The following SLC26A8 variants were observed in gnomAD, a reference collection of about 807,000 sequenced individuals.
The protein encoded by SLC26A8 is solute carrier family 26 member 8.
Under a neutral mutation model 105.0 loss-of-function variants are expected in SLC26A8, and 70 were observed. The ratio of observed to expected loss-of-function variants is 0.67; its 90% CI spans 0.55 to 0.81. The LOEUF is 0.81. Ranked by LOEUF, SLC26A8 falls within the 40% of genes least tolerant of loss-of-function variation. The probability of loss-of-function intolerance (pLI) is 0.00; values close to 1 mark genes in which losing one functional copy is unlikely to be tolerated. For synonymous variants in SLC26A8, 415 were observed against 438.3 expected (o/e 0.95, Z 0.66); for missense variants, 998 against 1,181.8 (o/e 0.84, Z 2.28).
At position 35,982,988 on chromosome 6, in the gene SLC26A8, T is replaced by C. The variant is rs1434252263; in HGVS notation, c.943-785A>G. On this transcript the variant is annotated intron_variant, in intron 7 of 19. Coordinates refer to ENST00000490799, the MANE Select transcript of SLC26A8 (RefSeq NM_052961.4). ...GCTGTTATAGCTTATAAAGACTGCG[T>C]CAATGCAGATTAAACCAGAGACAAG... Among the ~76,000 whole-genome samples, 3 of 152,326 alleles carry C rather than the reference T, an allele frequency of 2.0e-5. No homozygotes were observed. In the East Asian group the frequency reaches 5.8e-4, roughly 29 times the overall value.
chr6:35,963,475 G>A (rs570903962), intron 11 of SLC26A8, among the ~76,000 whole-genome samples: 2 of 152,164 alleles, frequency 1.3e-5, no homozygotes, highest in Non-Finnish European at 2.9e-5. Context: ...TTGCTGAGGC[G>A]CCTCACTGCA....
rs755338563 is a variant in SLC26A8, at chr6:35,959,439, GAAAGA to G, written c.1863+16_1863+20del. 4 of 1,584,196 alleles carry G rather than the reference GAAAGA, an allele frequency of 2.5e-6. No individual in the cohort carries two copies. The highest frequency in any genetic ancestry group is 3.4e-4 in the Middle Eastern group (2 of 5,884). The stretch of plus-strand genomic sequence containing the variant: ...TTATAAAATATGGAGAAAAACATAG[GAAAGA>G]AAAGGCATTTCTAACCCTGGGCAGC... On this transcript the variant is annotated intron_variant, in intron 16 of 19. Coordinates refer to ENST00000490799, the MANE Select transcript of SLC26A8 (RefSeq NM_052961.4).
At chr6:36,007,561 T>C (rs1405765458) in intron 3 of SLC26A8, among the ~76,000 whole-genome samples, 1 of 152,178 alleles carries the variant, frequency 6.6e-6, no homozygotes, top group Non-Finnish European at 1.5e-5. Flanking sequence ...TATCAAAATC[T>C]AAACAAAAAC....
At chr6:35,989,593 A>G (rs1344132427) in intron 7 of SLC26A8, 2 of 152,204 alleles carry the variant, frequency 1.3e-5, no homozygotes, top group Non-Finnish European at 2.9e-5. Flanking sequence ...CAGGATTCCA[A>G]AAATGGGATA....
At chr6:35,959,971 C>T (rs1253019908) in intron 14 of SLC26A8, 165 bp from the exon 15 acceptor site, 7 of 523,340 alleles carry the variant, frequency 1.3e-5, no homozygotes, top group South Asian at 4.8e-5. Context: ...TGCAATGGCG[C>T]GATCTTGGCT....
At position 35,961,105 on chromosome 6, in the gene SLC26A8, G is replaced by A. The variant is rs772846113; in HGVS notation, c.1462-6C>T. On this transcript the variant is annotated splice_region_variant and splice_polypyrimidine_tract_variant and intron_variant, in intron 12 of 19. Coordinates refer to ENST00000490799, the MANE Select transcript of SLC26A8 (RefSeq NM_052961.4). Reference sequence around the variant, plus strand: ...AATGTCATCATCCAAAGAGCCTTATGGAAAAGGGAATGAGGGGAAAATGAT... The same window carrying A: ...AATGTCATCATCCAAAGAGCCTTATAGAAAAGGGAATGAGGGGAAAATGAT... 6.2e-7 allele frequency: 1 copy of A among 1,608,164 alleles called. No homozygotes were observed. The highest frequency in any genetic ancestry group is 8.5e-7 in the Non-Finnish European group (1 of 1,175,468).
Position 35,962,690 on chromosome 6 carries a change from G to C in SLC26A8, c.1366-69C>G, listed in dbSNP as rs184453853. The stretch of plus-strand genomic sequence containing the variant: ...GTAAAACTCACAAATCCCCACCAAG[G>C]AATCACAAAAAGTTAGCCTTGCCAC... On this transcript the variant is annotated intron_variant, in intron 11 of 19. Transcript: ENST00000490799. 4.1e-6 allele frequency: 6 copies of C among 1,475,834 alleles called. No homozygotes were observed. In the East Asian group the frequency reaches 1.4e-4, roughly 34 times the overall value. 91.4% of individuals were successfully genotyped at this position (1,475,834 alleles called of 1,614,324 possible).
intron 16 of SLC26A8, among the ~76,000 whole-genome samples, chr6:35,958,195 T>C (rs1772164253): frequency 6.6e-6 from 1 of 152,214 alleles, no homozygotes; most frequent in African/African-American, 2.4e-5. Flanking sequence ...CCTTACTTGA[T>C]GTCTTAAGAG....
At chr6:35,952,938 C>T (rs1168569417) in intron 17 of SLC26A8, among the ~76,000 whole-genome samples, 2 of 142,994 alleles carry the variant, frequency 1.4e-5, no homozygotes, top group African/African-American at 2.6e-5. Context: ...CACTTGAACC[C>T]GGGAGGTGGA....
At chr6:35,960,554 G>A in intron 14 of SLC26A8, 1 of 347,716 alleles carries the variant, frequency 2.9e-6, no homozygotes, top group Non-Finnish European at 5.2e-6. Flanking sequence ...TACTGGGGAG[G>A]CTGAGGCAGG....
intron 19 of SLC26A8, among the ~76,000 whole-genome samples, chr6:35,946,154 T>C (rs551482328): frequency 1.3e-5 from 2 of 152,322 alleles, no homozygotes; most frequent in African/African-American, 4.8e-5. Flanking sequence ...TTATAACCCT[T>C]CCCCTGATCT....
At chr6:36,021,949 G>A (rs969474568) in intron 1 of SLC26A8, among the ~76,000 whole-genome samples, 30 of 151,514 alleles carry the variant, frequency 2.0e-4, no homozygotes, top group Admixed American at 4.0e-4. Flanking sequence ...GATTACACGC[G>A]TGAGCCACCG....
At chr6:36,009,275 C>T (rs755622690) in intron 3 of SLC26A8, among the ~76,000 whole-genome samples, 5 of 152,030 alleles carry the variant, frequency 3.3e-5, no homozygotes, top group Admixed American at 2.0e-4. Context: ...TGCTTGAACC[C>T]GGGTGGCAGA....
chr6:35,973,250 C>T (rs535123847), intron 10 of SLC26A8, among the ~76,000 whole-genome samples: 29 of 152,178 alleles, frequency 1.9e-4, no homozygotes, highest in Non-Finnish European at 3.8e-4. Flanking sequence ...CTAAAACTCT[C>T]CAAGTCTCTT....
Position 35,977,299 on chromosome 6 carries a change from G to T in SLC26A8, c.1078C>A (p.Gln360Lys), listed in dbSNP as rs1011478521. 58 of 1,613,928 alleles carry T rather than the reference G, an allele frequency of 3.6e-5. No homozygotes were observed. Among genetic ancestry groups the T allele is most frequent in the Non-Finnish European group, 4.5e-5 (53 of 1,179,972 alleles). ...CTCACCAAAGATAAGGAGAAGGCTT[G>T]TAAAATTATCTTGGGAAGAAGGCTG... The part of the protein sequence containing the change: ...DFSLLPKIIL[Q>K]AFSLSLVSSF... The change falls in exon 9 of 20, where the codon CAA becomes AAA. Residue 360 changes from glutamine (Q) to lysine (K), a missense_variant. Coordinates refer to ENST00000490799, the MANE Select transcript of SLC26A8 (RefSeq NM_052961.4).
At chr6:35,968,835 C>G in intron 11 of SLC26A8, 42 bp downstream of exon 11, 1 of 1,405,734 alleles carries the variant, frequency 7.1e-7, no homozygotes, top group Non-Finnish European at 9.6e-7. Flanking sequence ...AATCCAGAGC[C>G]CTGGTCGTTG....
chr6:35,994,540 T>TC (rs1432040030), intron 5 of SLC26A8, among the ~76,000 whole-genome samples: 2 of 151,440 alleles, frequency 1.3e-5, no homozygotes, highest in African/African-American at 4.9e-5. Context: ...CATGAGCCCC[T>TC]CTTTTTTCCA....
intron 4 of SLC26A8, among the ~76,000 whole-genome samples, chr6:35,998,399 T>C (rs1761420124): frequency 6.6e-6 from 1 of 151,706 alleles, no homozygotes; most frequent in Admixed American, 6.6e-5. Flanking sequence ...CTACCAAAAA[T>C]ACAAAATTAG....
intron 2 of SLC26A8, among the ~76,000 whole-genome samples, chr6:36,014,822 C>T (rs1379290674): frequency 7.9e-5 from 12 of 151,658 alleles, no homozygotes; most frequent in African/African-American, 2.4e-4. Flanking sequence ...GCTGAGACAG[C>T]GCCACTGCAC....
Sources: gnomAD v4.1 joint callset for allele counts (sites outside exome capture counted in the v4.1 genomes callset) on GRCh38, gnomAD v4.1.1 for gene constraint, MANE v1.5 for transcripts, NCBI Gene and HGNC (gene_info 2026-07-23, HGNC 2026-07-21) for gene names.